Variants in ARHGAP29 observed in about 807,000 individuals in gnomAD.
ARHGAP29 encodes the protein Rho GTPase activating protein 29, also known as rho GTPase-activating protein 29.
In ARHGAP29, 43 loss-of-function variants were observed where a neutral mutation model predicts 122.6. The observed-to-expected ratio is 0.35, with a 90% CI of 0.27 to 0.45. The LOEUF (loss-of-function observed/expected upper bound fraction) is 0.45. ARHGAP29 is among the 20% of genes least tolerant of loss of function. ARHGAP29 has a pLI of 1.00. For synonymous variants in ARHGAP29, 506 were observed against 497.1 expected, an observed-to-expected ratio of 1.02 and a Z score of -0.24; for missense variants, 1,303 against 1,477.2, an observed-to-expected ratio of 0.88 and a Z score of 1.93.
the ARHGAP29 span, among the ~76,000 whole-genome samples, chr1:94,286,381 A>C: frequency 6.6e-6 from 1 of 152,164 alleles, no homozygotes; most frequent in South Asian, 2.1e-4. Flanking sequence ...ATAAGAAAAA[A>C]TTTAGTCTGA....
chr1:94,205,950 C>G (rs530235314), intron 5 of ARHGAP29, among the ~76,000 whole-genome samples: 2 of 152,274 alleles, frequency 1.3e-5, no homozygotes, highest in East Asian at 3.9e-4. Context: ...TGAATCCATT[C>G]AAAACTTTAA....
chr1:94,173,864 C>A lies in ARHGAP29; in HGVS notation c.*5G>T. 1 of 1,573,086 alleles carries A rather than the reference C, an allele frequency of 6.4e-7. No individual in the cohort carries two copies. The highest frequency in any genetic ancestry group is 8.6e-7 in the Non-Finnish European group (1 of 1,157,512). On this transcript the variant is annotated 3_prime_UTR_variant, in exon 23 of 23. Transcript: ENST00000260526. ...ACAACAAAAAAACCCTGAAATTTGA[C>A]ATCCCTACACAAATTGTGGAATTTC...
At chr1:94,299,498 T>C in the ARHGAP29 span, among the ~76,000 whole-genome samples, 1 of 152,238 alleles carries the variant, frequency 6.6e-6, no homozygotes, top group Non-Finnish European at 1.5e-5. Flanking sequence ...CGATAAACTT[T>C]AGAAGACCAC....
chr1:94,312,702 G>A, the ARHGAP29 span, among the ~76,000 whole-genome samples: 2 of 152,096 alleles, frequency 1.3e-5, no homozygotes, highest in East Asian at 1.9e-4. Context: ...AAAGTGCTGG[G>A]ATTACAGGTG....
In ARHGAP29 at chr1:94,220,244, T is replaced by C. The variant is rs1322034737; in HGVS notation, c.340+14A>G. The C allele has an allele frequency of 1.9e-6, 3 of 1,612,678 alleles. No individual in the cohort carries two copies. The highest frequency in any genetic ancestry group is 2.2e-5 in the East Asian group (1 of 44,782). ...TTTGCCCACAGCAACCCACTTTTAC[T>C]ATATCTTCCTTACCTTTCACTTTTG... On this transcript the variant is annotated intron_variant, in intron 3 of 22. Coordinates refer to ENST00000260526, the MANE Select transcript of ARHGAP29 (RefSeq NM_004815.4).
intron 1 of ARHGAP29, among the ~76,000 whole-genome samples, chr1:94,232,037 T>C (rs997152238): frequency 6.6e-6 from 1 of 152,174 alleles, no homozygotes; most frequent in South Asian, 2.1e-4. Context: ...GGGTATAGAA[T>C]TTTATTTAAT....
intron 1 of ARHGAP29, among the ~76,000 whole-genome samples, chr1:94,252,456 T>G (rs1570607678): frequency 6.6e-6 from 1 of 152,152 alleles, no homozygotes; most frequent in Non-Finnish European, 1.5e-5. Flanking sequence ...GGCTGGGGTG[T>G]TTGTCCAAGA....
intron 1 of ARHGAP29, among the ~76,000 whole-genome samples, chr1:94,273,956 C>T (rs1655090695): frequency 6.6e-6 from 1 of 151,694 alleles, no homozygotes; most frequent in Non-Finnish European, 1.5e-5. Flanking sequence ...ATAAAAATAA[C>T]AGTTAATAGT....
chr1:94,186,900 T>A (rs1347849177), intron 15 of ARHGAP29, among the ~76,000 whole-genome samples: 2 of 152,206 alleles, frequency 1.3e-5, no homozygotes, highest in Non-Finnish European at 2.9e-5. Context: ...CAAGTATAGC[T>A]GATATTTTCC....
intron 5 of ARHGAP29, among the ~76,000 whole-genome samples, chr1:94,207,179 T>C (rs1044602479): frequency 2.9e-4 from 44 of 151,766 alleles, no homozygotes; most frequent in African/African-American, 1.1e-3. Context: ...TGGCTAATAT[T>C]TGTATTTTTA....
At chr1:94,294,574 C>A in the ARHGAP29 span, among the ~76,000 whole-genome samples, 1 of 152,172 alleles carries the variant, frequency 6.6e-6, no homozygotes, top group Non-Finnish European at 1.5e-5. Flanking sequence ...GTGTGAGCTA[C>A]CACACCTGGC....
intron 2 of ARHGAP29, among the ~76,000 whole-genome samples, chr1:94,229,564 ACT>A (rs1652807624): frequency 6.6e-6 from 1 of 151,722 alleles, no homozygotes; most frequent in Non-Finnish European, 1.5e-5. Flanking sequence ...ACTGCATACT[ACT>A]GAGTTGGTTA....
At chr1:94,196,024 A>G (rs905063646) in intron 12 of ARHGAP29, 5 of 152,140 alleles carry the variant, frequency 3.3e-5, no homozygotes, top group Non-Finnish European at 4.4e-5. Context: ...AAAACACACA[A>G]TATGTTGGAG....
intron 3 of ARHGAP29, among the ~76,000 whole-genome samples, chr1:94,212,026 C>T (rs934648819): frequency 6.6e-6 from 1 of 152,092 alleles, no homozygotes; most frequent in East Asian, 1.9e-4. Flanking sequence ...AGTATTCTGA[C>T]CCAGCACTTT....
At chr1:94,255,335 TG>T (rs1421131707) in intron 1 of ARHGAP29, among the ~76,000 whole-genome samples, 1 of 152,198 alleles carries the variant, frequency 6.6e-6, no homozygotes, top group African/African-American at 2.4e-5. Context: ...GCTGACACCT[TG>T]ATGTCAAACT....
chr1:94,202,340 G>A lies in ARHGAP29; in HGVS notation c.1143+204C>T, dbSNP rs913521296. ...GTCTCAGCATAGTGGTTCTCAAAAT[G>A]TGGATCTTCACCAACAGCATCAGCA... On this transcript the variant is annotated intron_variant, in intron 11 of 22. Transcript: ENST00000260526. The A allele has an allele frequency of 6.3e-6, 4 of 630,942 alleles. No individual in the cohort carries two copies. In the African/African-American group the frequency reaches 7.3e-5, roughly 12 times the overall value. 39.1% of individuals were successfully genotyped at this position (630,942 alleles called of 1,614,324 possible). A position where few individuals can be genotyped will look rare whatever the true frequency, so the allele number is the denominator to read the frequency against.
intron 5 of ARHGAP29, among the ~76,000 whole-genome samples, chr1:94,208,545 C>T (rs1457394317): frequency 2.0e-5 from 3 of 150,752 alleles, no homozygotes; most frequent in East Asian, 2.0e-4. Flanking sequence ...CTGCAACCTC[C>T]GCCTCCCGGG....
chr1:94,285,610 C>T, the ARHGAP29 span, among the ~76,000 whole-genome samples: 1 of 152,062 alleles, frequency 6.6e-6, no homozygotes, highest in Non-Finnish European at 1.5e-5. Flanking sequence ...AAAAGAAGTA[C>T]ATTCGCCTGT....
At chr1:94,299,311 C>A in the ARHGAP29 span, among the ~76,000 whole-genome samples, 1 of 152,062 alleles carries the variant, frequency 6.6e-6, no homozygotes, top group Admixed American at 6.5e-5. Context: ...TAATTTTTTT[C>A]CTTCAGTTTT....
Sources: allele counts gnomAD v4.1 joint callset (sites outside exome capture counted in the v4.1 genomes callset), GRCh38; gene constraint gnomAD v4.1.1; transcripts MANE v1.5; gene names NCBI Gene and HGNC (gene_info 2026-07-23, HGNC 2026-07-21).